FILIP1L: variants seen among roughly 807,000 people sequenced by gnomAD.
The protein encoded by FILIP1L is filamin A-interacting protein 1-like.
Under a neutral mutation model 96.6 loss-of-function variants are expected in FILIP1L, and 55 were observed. The observed-to-expected ratio is 0.57, with a 90% CI of 0.46 to 0.71. The LOEUF is 0.71. Among genes scored for constraint, FILIP1L ranks in the 30% least tolerant of loss-of-function variants. The probability of loss-of-function intolerance (pLI) is 0.00; values close to 1 mark genes in which losing one functional copy is unlikely to be tolerated. For synonymous variants in FILIP1L, 467 were observed against 473.9 expected (o/e 0.99, Z 0.19); for missense variants, 1,304 against 1,321.2 (o/e 0.99, Z 0.20).
intron 4 of FILIP1L, among the ~76,000 whole-genome samples, chr3:99,864,636 T>C (rs1252771524): frequency 2.0e-5 from 3 of 152,118 alleles, no homozygotes; most frequent in African/African-American, 7.2e-5. Context: ...CATTTGTTCA[T>C]TCCCATGCTT....
Position 100,060,568 on chromosome 3 carries a change from A to G in FILIP1L, c.-11+53485T>C, listed in dbSNP as rs1207494870. ...GTAAAAACCACCACTTAAGAAACAA[A>G]TAGGGGCTCGGCGCAGTGGCTCACA... On this transcript the variant is annotated intron_variant, in intron 1 of 5. Coordinates refer to ENST00000477258, the MANE Select transcript of FILIP1L (RefSeq NM_001387850.1). Among the ~76,000 whole-genome samples, 3 of 152,034 alleles carry G rather than the reference A, an allele frequency of 2.0e-5. No individual in the cohort carries two copies. In the South Asian group the frequency reaches 6.2e-4, roughly 32 times the overall value.
chr3:99,921,315 T>C (rs1707117179), intron 4 of FILIP1L, among the ~76,000 whole-genome samples: 1 of 152,208 alleles, frequency 6.6e-6, no homozygotes, highest in South Asian at 2.1e-4. Flanking sequence ...CCCCACTTCC[T>C]GTTTCGTTAG....
At chr3:100,003,247 A>G (rs191445718) in intron 1 of FILIP1L, among the ~76,000 whole-genome samples, 1 of 152,344 alleles carries the variant, frequency 6.6e-6, no homozygotes, top group African/African-American at 2.4e-5. Flanking sequence ...AGAAAATAAA[A>G]GAATGTTAGA....
chr3:100,021,944 TGTGTGTGTGTGTGTGTGAGA>T (rs2107231280), intron 1 of FILIP1L, among the ~76,000 whole-genome samples: 1 of 128,914 alleles, frequency 7.8e-6, no homozygotes, highest in South Asian at 2.9e-4. Flanking sequence ...TGTGTGTGTG[TGTGTGTGTGTGTGTGTGAGA>T]GAGAGAGAGA....
rs554981147 is a variant in FILIP1L, at chr3:99,959,095, T to TA, written c.-10-28066dup. On this transcript the variant is annotated intron_variant, in intron 1 of 5. Coordinates refer to ENST00000477258, the MANE Select transcript of FILIP1L (RefSeq NM_001387850.1). ...AACACATCAGGATATGATGGTAATT[T>TA]AAAAAAAATTCATTGTGTAAATGTT... is the stretch of plus-strand genomic sequence containing the variant. 1.8e-4 allele frequency among the ~76,000 whole-genome samples: 27 copies of TA among 152,236 alleles called. No homozygotes were observed. The South Asian group carries it at 2.3e-3, about 13-fold the overall frequency.
In FILIP1L at chr3:99,830,596, C is replaced by A. The variant is rs1158484640; in HGVS notation, c.3391G>T (p.Val1131Leu). 1 of 456,420 alleles carries A rather than the reference C, an allele frequency of 2.2e-6. No homozygotes were observed. Among genetic ancestry groups the A allele is most frequent in the Non-Finnish European group, 4.4e-6 (1 of 226,904 alleles). 28.3% of individuals were successfully genotyped at this position (456,420 alleles called of 1,614,324 possible). The part of the protein sequence containing the change: ...PRQSQITIKE[V>L]CKQRIPARIP... ...CGTGCTGGGATTCTCTGCTTGCATACCTCCTTGATCTTGAATTAAACAAGA... is the reference window on the plus strand; with the variant it reads ...CGTGCTGGGATTCTCTGCTTGCATAACTCCTTGATCTTGAATTAAACAAGA... Residue 1131 changes from valine to leucine, a missense_variant, in exon 6 of 6, where the codon GTA becomes TTA. Transcript: ENST00000477258.
chr3:99,878,379 A>C (rs1359524914), intron 4 of FILIP1L, among the ~76,000 whole-genome samples: 1 of 152,254 alleles, frequency 6.6e-6, no homozygotes, highest in Non-Finnish European at 1.5e-5. Flanking sequence ...AGAAGGCTAA[A>C]GTGGCTTGAC....
At chr3:99,909,144 T>G (rs531653691) in intron 4 of FILIP1L, among the ~76,000 whole-genome samples, 38 of 152,282 alleles carry the variant, frequency 2.5e-4, no homozygotes, top group Middle Eastern at 6.8e-3. Flanking sequence ...AGTGTCATAA[T>G]TTAGGAGCTT....
rs200756899 is a variant in FILIP1L at position 99,849,947 on chromosome 3, T to G, written c.1729A>C (p.Lys577Gln). The part of the protein sequence containing the change: ...LKNKLKAEEE[K>Q]GNDLLSRVNM... ...ACTCTTGACAGGAGATCATTTCCTT[T>G]CTCTTCTTCCGCTTTCAATTTGTTT... Residue 577 changes from lysine (K) to glutamine (Q), a missense_variant, in exon 5 of 6, where the codon AAA (lysine) becomes CAA (glutamine). Transcript: ENST00000477258. 9.8e-4 allele frequency: 1,575 copies of G among 1,612,942 alleles called. 1 individual carries two copies. The highest frequency in any genetic ancestry group is 1.3e-3 in the Non-Finnish European group (1,488 of 1,179,812).
chr3:100,077,719 G>A (rs2065871470), intron 1 of FILIP1L, among the ~76,000 whole-genome samples: 1 of 152,158 alleles, frequency 6.6e-6, no homozygotes, highest in East Asian at 1.9e-4. Flanking sequence ...AGACCAGCCT[G>A]GGCAACATGG....
At chr3:99,890,548 C>T (rs1184095496) in intron 4 of FILIP1L, among the ~76,000 whole-genome samples, 1 of 152,116 alleles carries the variant, frequency 6.6e-6, no homozygotes, top group African/African-American at 2.4e-5. Flanking sequence ...GTTATTCCAT[C>T]TGTTTGGCTT....
intron 5 of FILIP1L, chr3:99,833,309 A>T: frequency 6.7e-7 from 1 of 1,502,718 alleles, no homozygotes; most frequent in Non-Finnish European, 9.2e-7. Flanking sequence ...AATATATTAA[A>T]TTCTAAAAGT....
intron 4 of FILIP1L, among the ~76,000 whole-genome samples, chr3:99,922,039 A>C (rs1707141425): frequency 6.6e-6 from 1 of 152,174 alleles, no homozygotes. Context: ...CTCTCCTCCA[A>C]TAGCCCTTCA....
chr3:99,868,422 C>A (rs1012548218), intron 4 of FILIP1L, among the ~76,000 whole-genome samples: 1 of 152,140 alleles, frequency 6.6e-6, no homozygotes, highest in Non-Finnish European at 1.5e-5. Context: ...TGAGACAGCC[C>A]CCTATATGTC....
intron 1 of FILIP1L, among the ~76,000 whole-genome samples, chr3:99,958,211 T>TTATTATTATTA (rs1352712948): frequency 7.7e-6 from 1 of 129,774 alleles, no homozygotes; most frequent in Non-Finnish European, 1.7e-5. Flanking sequence ...TGCATTATTA[T>TTATTATTATTA]TATTATTATT....
intron 1 of FILIP1L, among the ~76,000 whole-genome samples, chr3:100,097,604 A>G (rs1014206923): frequency 3.9e-5 from 6 of 152,216 alleles, no homozygotes; most frequent in African/African-American, 7.2e-5. Context: ...TTGGATTTAC[A>G]TCTAAAAGTG....
At chr3:100,081,557 T>C (rs2065932347) in intron 1 of FILIP1L, among the ~76,000 whole-genome samples, 1 of 152,188 alleles carries the variant, frequency 6.6e-6, no homozygotes, top group Non-Finnish European at 1.5e-5. Context: ...GATTCTTTGG[T>C]TGGGAATAAC....
At chr3:99,944,632 G>C (rs1321047878) in intron 1 of FILIP1L, among the ~76,000 whole-genome samples, 1 of 152,236 alleles carries the variant, frequency 6.6e-6, no homozygotes, top group African/African-American at 2.4e-5. Context: ...TCTGCCCCAA[G>C]CCACAGAACT....
At chr3:99,971,055 G>A (rs1708799123) in intron 1 of FILIP1L, among the ~76,000 whole-genome samples, 1 of 152,106 alleles carries the variant, frequency 6.6e-6, no homozygotes, top group South Asian at 2.1e-4. Flanking sequence ...GAGAATATGG[G>A]GGCTGGGCGT....
Sources: allele counts gnomAD v4.1 joint callset (sites outside exome capture counted in the v4.1 genomes callset), GRCh38; gene constraint gnomAD v4.1.1; transcripts MANE v1.5; gene names NCBI Gene and HGNC (gene_info 2026-07-23, HGNC 2026-07-21).